Variants in SLC26A1 observed in about 807,000 individuals in gnomAD.
SLC26A1 encodes solute carrier family 26 member 1, also known as sulfate anion transporter 1.
SLC26A1 carries 18 observed loss-of-function variants against 14.5 expected under a neutral mutation model. The ratio of observed to expected loss-of-function variants is 1.24; its 90% CI spans 0.86 to 1.84. SLC26A1 has a LOEUF of 1.84. Among genes scored for constraint, SLC26A1 ranks in the 40% most tolerant of loss-of-function variants. SLC26A1 has a pLI of 0.00. For missense variants in SLC26A1, 1,049 were observed against 1,020.0 expected, an observed-to-expected ratio of 1.03 and a Z score of -0.39; for synonymous variants, 505 against 492.0, an observed-to-expected ratio of 1.03 and a Z score of -0.35.
At chr4:986,061 A>G (rs1052695203), downstream of SLC26A1, among the ~76,000 whole-genome samples, 5 of 152,044 alleles carry the variant, frequency 3.3e-5, no homozygotes, top group East Asian at 9.6e-4. Flanking sequence ...TGGGCCTCAC[A>G]GGCATATACC....
chr4:986,992 C>A, downstream of SLC26A1: 1 of 1,151,416 alleles, frequency 8.7e-7, no homozygotes, highest in Non-Finnish European at 1.2e-6. Flanking sequence ...CGCCCCGCGG[C>A]GGCGGTCACA....
intron 1 of SLC26A1, chr4:992,889 G>C (rs1577524734): frequency 6.6e-6 from 1 of 152,190 alleles, no homozygotes. Context: ...CAGGACACCA[G>C]GTGCCCAGGA....
Position 991,606 on chromosome 4 carries a change from G to A in SLC26A1, c.98C>T (p.Ala33Val). The A allele has an allele frequency of 6.3e-7, 1 of 1,593,970 alleles. No individual in the cohort carries two copies. Among genetic ancestry groups the A allele is most frequent in the Non-Finnish European group, 8.5e-7 (1 of 1,175,728 alleles). The change falls in exon 2 of 3, where the codon GCC becomes GTC. Residue 33 changes from alanine to valine, a missense_variant. Ala to Val is a moderately conservative substitution (Grantham distance 64). Coordinates refer to ENST00000398516, the MANE Select transcript of SLC26A1 (RefSeq NM_022042.4). ...APRGLREMLK[A>V]RLWCSCSCSV... ...GCACGAGCAGCTGCACCACAGCCTG[G>A]CCTTCAGCATCTCACGCAGACCCCG...
chr4:986,792 A>T (rs1382725139), downstream of SLC26A1: 2 of 573,310 alleles, frequency 3.5e-6, no homozygotes, highest in Non-Finnish European at 6.6e-6. Context: ...CAAGACAGTA[A>T]TGGCTCAACT....
chr4:991,844 G>A, intron 1 of SLC26A1, 114 bp from the exon 2 acceptor site: 1 of 1,525,636 alleles, frequency 6.6e-7, no homozygotes. Flanking sequence ...CCAGGGCCGG[G>A]GATTGGTGCT....
At chr4:990,735 A>T (rs909359080) in intron 2 of SLC26A1, 9 of 392,074 alleles carry the variant, frequency 2.3e-5, no homozygotes, top group Non-Finnish European at 4.2e-5. Context: ...ATGTGGAGCC[A>T]ACGGGGGCCA....
At chr4:987,263 G>C (rs970792259), downstream of SLC26A1, 1 of 1,512,154 alleles carries the variant, frequency 6.6e-7, no homozygotes, top group Admixed American at 2.0e-5. Context: ...CGCGGCCTCC[G>C]GGACCCCCTG....
At chr4:982,443 C>T (rs560017897) in intron 2 of SLC26A1, among the ~76,000 whole-genome samples, 3 of 152,178 alleles carry the variant, frequency 2.0e-5, no homozygotes, top group South Asian at 2.1e-4. Context: ...ACCCTCTGAG[C>T]GAAGAGAAAT....
In SLC26A1 at chr4:987,972, G is replaced by A. The variant is rs1178438993; in HGVS notation, c.*861C>T. 4 of 1,550,608 alleles carry A rather than the reference G, an allele frequency of 2.6e-6. No individual in the cohort carries two copies. In the East Asian group the frequency reaches 9.7e-5, roughly 38 times the overall value. On this transcript the variant is annotated 3_prime_UTR_variant, in exon 3 of 3. Coordinates refer to ENST00000398516, the MANE Select transcript of SLC26A1 (RefSeq NM_022042.4). ...CAGGTGGGCGGCGGGCAGGGTCTGG[G>A]CGTCCCAGAGCCCCTTACAGAGGCA...
At position 991,314 on chromosome 4, in the gene SLC26A1, G is replaced by A. The variant is rs775853933; in HGVS notation, c.390C>T (p.Cys130=). The A allele has an allele frequency of 1.9e-6, 3 of 1,612,830 alleles. No individual in the cohort carries two copies. In the South Asian group the frequency reaches 3.3e-5, roughly 18 times the overall value. ...GGTCCACCACCTGCCCCACCATGAG[G>A]CAAAGCAGGCTGAAGATGCCCACGG... ...HVSVGIFSLL[C]LMVGQVVDRE... The change falls in exon 2 of 3, where the codon TGC becomes TGT. Residue 130 remains cysteine, a synonymous_variant. Coordinates refer to ENST00000398516, the MANE Select transcript of SLC26A1 (RefSeq NM_022042.4).
Position 991,491 on chromosome 4 carries a change from G to A in SLC26A1, c.213C>T (p.Gly71=), listed in dbSNP as rs371616275. 2.2e-5 allele frequency: 36 copies of A among 1,610,336 alleles called. No individual in the cohort carries two copies. Among genetic ancestry groups the A allele is most frequent in the East Asian group, 4.5e-5 (2 of 44,836 alleles). Residue 71 remains glycine (G), a synonymous_variant, in exon 2 of 3, where the codon GGC becomes GGT. Coordinates refer to ENST00000398516, the MANE Select transcript of SLC26A1 (RefSeq NM_022042.4). ...CGATGACCAGCCCAGACATGACGTC[G>A]CCTGCCAGGTACTCCCGCGGGCGGT... ...RQYRPREYLA[G]DVMSGLVIGI...
At chr4:980,540 C>T (rs928042729) in intron 2 of SLC26A1, among the ~76,000 whole-genome samples, 4 of 149,138 alleles carry the variant, frequency 2.7e-5, no homozygotes, top group African/African-American at 7.5e-5. Context: ...GAGCCAGGAT[C>T]GCGCCACTGC....
chr4:991,726 C>A lies in SLC26A1; in HGVS notation c.-23G>T, dbSNP rs576159804. 264 of 1,531,704 alleles carry A rather than the reference C, an allele frequency of 1.7e-4. 3 individuals are homozygous for A. The South Asian group carries it at 3.0e-3, about 18-fold the overall frequency. The allele number at this position is 1,531,704 out of a possible 1,614,324, so 94.9% of individuals were successfully genotyped here. A position where few individuals can be genotyped will look rare whatever the true frequency, so the allele number is the denominator to read the frequency against. On this transcript the variant is annotated 5_prime_UTR_variant, in exon 2 of 3. Coordinates refer to ENST00000398516, the MANE Select transcript of SLC26A1 (RefSeq NM_022042.4). ...CATCCTGTTGCGTCAGGTCCCGTGG[C>A]CGACCTGCGGCCGAGAAGAGGGCAT...
At chr4:982,974 C>A (rs982932915), downstream of SLC26A1, among the ~76,000 whole-genome samples, 1 of 152,248 alleles carries the variant, frequency 6.6e-6, no homozygotes, top group Non-Finnish European at 1.5e-5. Context: ...GGATGCTTCA[C>A]GGAACCATGC....
At chr4:991,899 G>A in intron 1 of SLC26A1, 169 bp from the exon 2 acceptor site, 2 of 1,203,688 alleles carry the variant, frequency 1.7e-6, no homozygotes, top group Non-Finnish European at 2.4e-6. Flanking sequence ...TGCCCGGTAT[G>A]GATGGACGCT....
chr4:990,650 A>G, intron 2 of SLC26A1: 1 of 475,778 alleles, frequency 2.1e-6, no homozygotes, highest in Non-Finnish European at 3.7e-6. Flanking sequence ...TTATTTCAGA[A>G]TTAAGACCTC....
chr4:990,543 T>C, intron 2 of SLC26A1, 181 bp from the exon 3 acceptor site: 1 of 624,466 alleles, frequency 1.6e-6, no homozygotes, highest in Non-Finnish European at 2.8e-6. Context: ...CCACGCGTGC[T>C]CATGCCCGCA....
In SLC26A1 at chr4:988,406, A is replaced by C; in HGVS notation, c.*427T>G. ...TCTGGAAACACAGAGACCCTCGTGC[A>C]CTTGGCCAGAGCCGCTGGCTCCTAC... is the stretch of plus-strand genomic sequence containing the variant. On this transcript the variant is annotated 3_prime_UTR_variant, in exon 3 of 3. Transcript: ENST00000398516. The C allele has an allele frequency of 9.4e-7, 1 of 1,063,242 alleles. No homozygotes were observed. Among genetic ancestry groups the C allele is most frequent in the Non-Finnish European group, 1.1e-6 (1 of 879,490 alleles). 65.9% of individuals were successfully genotyped at this position (1,063,242 alleles called of 1,614,324 possible).
chr4:987,973 C>G lies in SLC26A1; in HGVS notation c.*860G>C, dbSNP rs770206510. ...AGGTGGGCGGCGGGCAGGGTCTGGG[C>G]GTCCCAGAGCCCCTTACAGAGGCAC... On this transcript the variant is annotated 3_prime_UTR_variant, in exon 3 of 3. Transcript: ENST00000398516. The G allele has an allele frequency of 1.3e-6, 2 of 1,549,972 alleles. No individual in the cohort carries two copies. Among genetic ancestry groups the G allele is most frequent in the Non-Finnish European group, 1.7e-6 (2 of 1,146,210 alleles).
Sources: gnomAD v4.1 joint callset for allele counts (sites outside exome capture counted in the v4.1 genomes callset) on GRCh38, gnomAD v4.1.1 for gene constraint, MANE v1.5 for transcripts, NCBI Gene and HGNC (gene_info 2026-07-23, HGNC 2026-07-21) for gene names.